NCAPH: variants seen among roughly 807,000 people sequenced by gnomAD.
NCAPH encodes the protein non-SMC condensin I complex subunit H, also known as condensin complex subunit 2.
Under a neutral mutation model 85.5 loss-of-function variants are expected in NCAPH, and 38 were observed. The ratio of observed to expected loss-of-function variants is 0.44; its 90% CI spans 0.34 to 0.58. NCAPH has a LOEUF of 0.58. Ranked by LOEUF, NCAPH falls within the 20% of genes least tolerant of loss-of-function variation. NCAPH has a pLI of 0.01. For synonymous variants in NCAPH, 301 were observed against 335.1 expected (o/e 0.90, Z 1.11); for missense variants, 789 against 916.6 (o/e 0.86, Z 1.80).
chr2:96,375,790 G>A lies in NCAPH; in HGVS notation c.*2439G>A, dbSNP rs2064825448. On this transcript the variant is annotated 3_prime_UTR_variant, in exon 18 of 18. Transcript: ENST00000240423. ...CCTTCCAGCTCATCCTTCTGTTTCA[G>A]TGTGGCTGCTGGAATCCAGCCATCA... Among the ~76,000 whole-genome samples, 2 of 152,112 alleles carry A rather than the reference G, an allele frequency of 1.3e-5. No homozygotes were observed. The highest frequency in any genetic ancestry group is 4.8e-5 in the African/African-American group (2 of 41,422).
chr2:96,372,775 C>T (rs1373768001), intron 17 of NCAPH, among the ~76,000 whole-genome samples: 1 of 152,114 alleles, frequency 6.6e-6, no homozygotes, highest in African/African-American at 2.4e-5. Flanking sequence ...TAATCTCTTA[C>T]TGTGCCTAAT....
intron 3 of NCAPH, 51 bp downstream of exon 3, chr2:96,342,191 G>A (rs1051773820): frequency 5.6e-6 from 8 of 1,418,790 alleles, no homozygotes; most frequent in Non-Finnish European, 8.0e-6. Context: ...GATCACAGGG[G>A]AAATCCAGCT....
At chr2:96,347,713 T>C (rs2064380250) in intron 6 of NCAPH, among the ~76,000 whole-genome samples, 1 of 152,128 alleles carries the variant, frequency 6.6e-6, no homozygotes. Context: ...TGGGTCTTTT[T>C]GTGTAATTAA....
intron 13 of NCAPH, among the ~76,000 whole-genome samples, chr2:96,365,058 T>C (rs2104489993): frequency 6.6e-6 from 1 of 152,246 alleles, no homozygotes; most frequent in African/African-American, 2.4e-5. Context: ...AGTTCTCATA[T>C]TGCAAGCTTG....
rs758499967 is a variant in NCAPH at position 96,373,437 on chromosome 2, T to C, written c.*86T>C. ...CCAGTCTCGGGGGAAGAAGATGCCATGGGCTTATACCCAGGCTGTAGCCAA... is the reference window on the plus strand; with the variant it reads ...CCAGTCTCGGGGGAAGAAGATGCCACGGGCTTATACCCAGGCTGTAGCCAA... On this transcript the variant is annotated 3_prime_UTR_variant, in exon 18 of 18. Transcript: ENST00000240423. The C allele has an allele frequency of 7.6e-7, 1 of 1,317,598 alleles. No homozygotes were observed. The highest frequency in any genetic ancestry group is 1.1e-6 in the Non-Finnish European group (1 of 913,530). 81.6% of individuals were successfully genotyped at this position (1,317,598 alleles called of 1,614,324 possible). A position where few individuals can be genotyped will look rare whatever the true frequency, so the allele number is the denominator to read the frequency against.
rs767500296 is a variant in NCAPH at position 96,366,115 on chromosome 2, C to A, written c.1881+57C>A. 10 of 1,560,468 alleles carry A rather than the reference C, an allele frequency of 6.4e-6. No individual in the cohort carries two copies. The Admixed American group carries it at 7.1e-5, about 11-fold the overall frequency. On this transcript the variant is annotated intron_variant, in intron 14 of 17. Coordinates refer to ENST00000240423, the MANE Select transcript of NCAPH (RefSeq NM_015341.5). ...TTGCCTGAAATCTATTTAATTGTCT[C>A]TTATATGAGAGTCACGCAATCTGAG...
At chr2:96,346,149 C>T (rs1033239447) in intron 6 of NCAPH, among the ~76,000 whole-genome samples, 15 of 152,148 alleles carry the variant, frequency 9.9e-5, no homozygotes, top group African/African-American at 3.6e-4. Flanking sequence ...AGGTTGGGCT[C>T]GGCTGACGGG....
Position 96,346,726 on chromosome 2 carries a change from T to C in NCAPH, c.720+2497T>C, listed in dbSNP as rs551482450. On this transcript the variant is annotated intron_variant, in intron 6 of 17. Transcript: ENST00000240423. ...GGAGGTGGTTGCCAGAGAGGGGCCC[T>C]AGAATTGAGGATATAGAGAGGTTGC... is the stretch of plus-strand genomic sequence containing the variant. Among the ~76,000 whole-genome samples the C allele has an allele frequency of 8.6e-5, 13 of 151,814 alleles. No homozygotes were observed. In the South Asian group the frequency reaches 1.7e-3, roughly 19 times the overall value.
At position 96,341,766 on chromosome 2, in the gene NCAPH, C is replaced by T. The variant is rs375517216; in HGVS notation, c.144C>T (p.Gly48=). The T allele has an allele frequency of 1.9e-6, 3 of 1,614,072 alleles. No individual in the cohort carries two copies. The African/African-American group carries it at 4.0e-5, about 22-fold the overall frequency. The change falls in exon 2 of 18, where the codon GGC becomes GGT. Residue 48 remains glycine (G), a synonymous_variant. Transcript: ENST00000240423. ...GGAAGGCGCCTCTCAATATTCCTGG[C>T]ACCCCAGTCCTCGAAGACTTTCCTC... is the stretch of plus-strand genomic sequence containing the variant. ...LPRKAPLNIP[G]TPVLEDFPQN... is the part of the protein sequence containing the mutation.
At chr2:96,343,065 C>T in intron 4 of NCAPH, 101 bp from the exon 5 acceptor site, 1 of 1,496,310 alleles carries the variant, frequency 6.7e-7, no homozygotes, top group African/African-American at 1.4e-5. Context: ...GTCATTGCTT[C>T]CTTGGGGCAA....
At chr2:96,362,395 C>T (rs764405988) in intron 12 of NCAPH, among the ~76,000 whole-genome samples, 1 of 151,970 alleles carries the variant, frequency 6.6e-6, no homozygotes, top group East Asian at 1.9e-4. Context: ...TTTGGGAGGC[C>T]GAGGTGGGTG....
In NCAPH at chr2:96,376,976, A is replaced by G. The variant is rs1442408673; in HGVS notation, c.*3625A>G. ...GGGGATGGATACCCCATTCTCTGTG[A>G]TGTGCTTATTTCACATTGCATGCCT... On this transcript the variant is annotated 3_prime_UTR_variant, in exon 18 of 18. Transcript: ENST00000240423. 6.6e-6 allele frequency among the ~76,000 whole-genome samples: 1 copy of G among 152,128 alleles called. No homozygotes were observed. The highest frequency in any genetic ancestry group is 1.5e-5 in the Non-Finnish European group (1 of 68,032).
In NCAPH at chr2:96,354,268, A is replaced by G. The variant is rs1350666169; in HGVS notation, c.1088A>G (p.Asp363Gly). The G allele has an allele frequency of 1.2e-6, 2 of 1,613,906 alleles. No homozygotes were observed. Among genetic ancestry groups the G allele is most frequent in the African/African-American group, 2.7e-5 (2 of 74,856 alleles). Residue 363 changes from aspartate (D) to glycine (G), a missense_variant, in exon 9 of 18, where the codon GAC becomes GGC. Asp to Gly is a moderately conservative substitution (Grantham distance 94, BLOSUM62 -1). Coordinates refer to ENST00000240423, the MANE Select transcript of NCAPH (RefSeq NM_015341.5). ...NAEVDESDCG[D>G]FPDGSLGDDF... ...GAAGTTGACGAGAGTGACTGTGGAGACTTCCCCGATGGGTCCCTGGGGGAT... is the reference window on the plus strand; with the variant it reads ...GAAGTTGACGAGAGTGACTGTGGAGGCTTCCCCGATGGGTCCCTGGGGGAT...
At chr2:96,358,206 T>C (rs950677041) in intron 9 of NCAPH, among the ~76,000 whole-genome samples, 1 of 152,210 alleles carries the variant, frequency 6.6e-6, no homozygotes, top group Non-Finnish European at 1.5e-5. Context: ...AGAATAAAGC[T>C]GGATGACCTA....
intron 1 of NCAPH, 135 bp from the exon 2 acceptor site, chr2:96,341,507 C>T: frequency 8.4e-7 from 1 of 1,189,404 alleles, no homozygotes; most frequent in East Asian, 2.4e-5. Flanking sequence ...GAGGTTCTAG[C>T]CATTAAGTAT....
At position 96,373,366 on chromosome 2, in the gene NCAPH, A is replaced by G; in HGVS notation, c.*15A>G. The G allele has an allele frequency of 6.2e-7, 1 of 1,611,566 alleles. No homozygotes were observed. Among genetic ancestry groups the G allele is most frequent in the Non-Finnish European group, 8.5e-7 (1 of 1,177,976 alleles). On this transcript the variant is annotated 3_prime_UTR_variant, in exon 18 of 18. Transcript: ENST00000240423. ...AAGGAGATTGAGTTCACTATGGAGA[A>G]GTCAGCAGCAGGAGGCCCATCCCTT... is the stretch of plus-strand genomic sequence containing the variant.
rs1558789976 is a variant in NCAPH, at chr2:96,343,227, A to G, written c.518A>G (p.His173Arg). ...TATGCTGTGCGCGTGGATGCCGTCC[A>G]TGCCGATGTATACAGAGTCCTTGGG... is the stretch of plus-strand genomic sequence containing the variant. ...KIYAVRVDAV[H>R]ADVYRVLGGL... Residue 173 changes from histidine (H) to arginine (R), a missense_variant, in exon 5 of 18, where the codon CAT (histidine) becomes CGT (arginine). Transcript: ENST00000240423. 1 of 1,614,212 alleles carries G rather than the reference A, an allele frequency of 6.2e-7. No individual in the cohort carries two copies. Among genetic ancestry groups the G allele is most frequent in the Non-Finnish European group, 8.5e-7 (1 of 1,180,048 alleles).
chr2:96,359,330 C>A, intron 10 of NCAPH, 137 bp downstream of exon 10: 1 of 1,118,364 alleles, frequency 8.9e-7, no homozygotes, highest in Non-Finnish European at 1.3e-6. Flanking sequence ...ACAGATGAGC[C>A]AGCCTCCTGG....
chr2:96,348,438 C>T (rs761612433), intron 6 of NCAPH, among the ~76,000 whole-genome samples: 3 of 151,940 alleles, frequency 2.0e-5, no homozygotes, highest in African/African-American at 7.2e-5. Context: ...ATCCGCCGCC[C>T]GCCTCGGCCT....
Sources: allele counts gnomAD v4.1 joint callset (sites outside exome capture counted in the v4.1 genomes callset), GRCh38; gene constraint gnomAD v4.1.1; transcripts MANE v1.5; gene names NCBI Gene and HGNC (gene_info 2026-07-23, HGNC 2026-07-21).